Variants in GALNTL6 observed in about 807,000 individuals in gnomAD.
GALNTL6 encodes polypeptide N-acetylgalactosaminyltransferase-like 6.
A neutral mutation model predicts 73.7 loss-of-function variants in GALNTL6; 46 were observed. The observed-to-expected ratio is 0.62, with a 90% CI of 0.49 to 0.80. The LOEUF is 0.80. Ranked by LOEUF, GALNTL6 falls within the 30% of genes least tolerant of loss-of-function variation. GALNTL6 has a pLI of 0.00. For missense variants in GALNTL6, 604 were observed against 755.0 expected, an observed-to-expected ratio of 0.80 and a Z score of 2.34; for synonymous variants, 259 against 263.7, an observed-to-expected ratio of 0.98 and a Z score of 0.17.
intron 5 of GALNTL6, among the ~76,000 whole-genome samples, chr4:172,467,171 G>C (rs1232082478): frequency 6.6e-6 from 1 of 152,130 alleles, no homozygotes; most frequent in Non-Finnish European, 1.5e-5. Flanking sequence ...AAGAGAAAAG[G>C]CCGTGATAAT....
intron 4 of GALNTL6, among the ~76,000 whole-genome samples, chr4:172,337,540 G>A (rs1741381596): frequency 6.6e-6 from 1 of 151,894 alleles, no homozygotes; most frequent in Non-Finnish European, 1.5e-5. Context: ...AAAAAGCTTA[G>A]TTTAGTGGTA....
intron 5 of GALNTL6, among the ~76,000 whole-genome samples, chr4:172,759,560 T>C (rs947337139): frequency 1.1e-4 from 17 of 152,202 alleles, no homozygotes; most frequent in Non-Finnish European, 2.9e-5. Context: ...TCATCCACCC[T>C]TTAGGGTCTC....
At chr4:172,125,140 T>C (rs1043964281) in intron 2 of GALNTL6, among the ~76,000 whole-genome samples, 8 of 152,116 alleles carry the variant, frequency 5.3e-5, no homozygotes, top group African/African-American at 1.9e-4. Context: ...GGCAATGATG[T>C]ATGACCTGCA....
chr4:172,841,802 G>A (rs1432138280), intron 7 of GALNTL6, among the ~76,000 whole-genome samples: 1 of 152,158 alleles, frequency 6.6e-6, no homozygotes, highest in African/African-American at 2.4e-5. Context: ...GATTTGGATG[G>A]GGACACAAAG....
chr4:171,820,209 C>T (rs1215015529), intron 2 of GALNTL6, among the ~76,000 whole-genome samples: 3 of 152,064 alleles, frequency 2.0e-5, no homozygotes, highest in Non-Finnish European at 2.9e-5. Context: ...GCATCATGAC[C>T]TCTAACTTTC....
chr4:172,270,171 C>CTGTGTGTGTGTGTG (rs758294136), intron 3 of GALNTL6, among the ~76,000 whole-genome samples: 7 of 150,264 alleles, frequency 4.7e-5, no homozygotes, highest in Non-Finnish European at 8.9e-5. Flanking sequence ...TCTCTGTCCA[C>CTGTGTGTGTGTGTG]TGTGTGTGTG....
intron 2 of GALNTL6, among the ~76,000 whole-genome samples, chr4:172,081,605 T>A (rs564955341): frequency 6.6e-6 from 1 of 152,172 alleles, no homozygotes; most frequent in Admixed American, 6.5e-5. Context: ...ACCACTGCAC[T>A]CCAGCCTGGT....
At chr4:173,002,522 T>C (rs1752087279) in intron 10 of GALNTL6, among the ~76,000 whole-genome samples, 1 of 150,710 alleles carries the variant, frequency 6.6e-6, no homozygotes, top group Non-Finnish European at 1.5e-5. Flanking sequence ...AGGTCGGGCA[T>C]GGTGGCTCAC....
At chr4:172,831,459 C>T (rs1295582778) in intron 7 of GALNTL6, among the ~76,000 whole-genome samples, 3 of 152,054 alleles carry the variant, frequency 2.0e-5, no homozygotes, top group Non-Finnish European at 4.4e-5. Flanking sequence ...TGGAGAGGGG[C>T]GTCAAGAAAA....
At chr4:172,363,612 C>A (rs1347993277) in intron 5 of GALNTL6, among the ~76,000 whole-genome samples, 1 of 152,118 alleles carries the variant, frequency 6.6e-6, no homozygotes, top group Non-Finnish European at 1.5e-5. Flanking sequence ...TTGCAATTTT[C>A]ACATGATTTG....
intron 2 of GALNTL6, among the ~76,000 whole-genome samples, chr4:172,204,727 A>G (rs1736054842): frequency 6.6e-6 from 1 of 152,244 alleles, no homozygotes; most frequent in Non-Finnish European, 1.5e-5. Flanking sequence ...TTTTGTGATT[A>G]CAAAGAGAAG....
chr4:171,992,587 C>T (rs188027815), intron 2 of GALNTL6, among the ~76,000 whole-genome samples: 3 of 152,094 alleles, frequency 2.0e-5, no homozygotes, highest in South Asian at 2.1e-4. Context: ...AATTCTGATT[C>T]GGTCTGTAAT....
chr4:172,486,508 T>G (rs934878452), intron 5 of GALNTL6, among the ~76,000 whole-genome samples: 1 of 152,142 alleles, frequency 6.6e-6, no homozygotes, highest in Non-Finnish European at 1.5e-5. Context: ...TTGTCTTGAG[T>G]GGAAGGATAA....
At chr4:172,970,894 G>A (rs977709851) in intron 10 of GALNTL6, among the ~76,000 whole-genome samples, 2 of 152,186 alleles carry the variant, frequency 1.3e-5, no homozygotes, top group African/African-American at 4.8e-5. Flanking sequence ...GTATTAATTT[G>A]GGGAACTGAT....
At chr4:172,387,031 G>T (rs1743497087) in intron 5 of GALNTL6, among the ~76,000 whole-genome samples, 1 of 152,114 alleles carries the variant, frequency 6.6e-6, no homozygotes, top group South Asian at 2.1e-4. Context: ...AGCTATCTGT[G>T]TATACTTCAA....
chr4:172,245,720 C>T (rs115956875), intron 3 of GALNTL6, among the ~76,000 whole-genome samples: 3,073 of 152,212 alleles, frequency 0.02, 53 homozygotes, highest in South Asian at 0.038. Flanking sequence ...ACAAATTTGT[C>T]AGTGATGAGT....
chr4:171,863,761 C>CTT (rs34368913), intron 2 of GALNTL6, among the ~76,000 whole-genome samples: 8 of 145,484 alleles, frequency 5.5e-5, no homozygotes, highest in South Asian at 2.2e-4. Flanking sequence ...AAAAGGAACA[C>CTT]TTTTTTTTTT....
In GALNTL6 at chr4:172,482,967, A is replaced by G. The variant is rs1475168699; in HGVS notation, c.553+134278A>G. Among the ~76,000 whole-genome samples, 7 of 151,886 alleles carry G rather than the reference A, an allele frequency of 4.6e-5. No homozygotes were observed. In the East Asian group the frequency reaches 1.4e-3, roughly 30 times the overall value. ...AATTTTTCTGCTTTGTAAAATGGGG[A>G]TACTTTAAGTACAATTTCGTAGGAT... On this transcript the variant is annotated intron_variant, in intron 5 of 12. Transcript: ENST00000506823.
chr4:173,036,517 A>G (rs1319249539), intron 12 of GALNTL6, among the ~76,000 whole-genome samples: 1 of 152,196 alleles, frequency 6.6e-6, no homozygotes, highest in East Asian at 1.9e-4. Context: ...GGCATTGAGC[A>G]TTGATTAGGA....
Sources: gnomAD v4.1 joint callset for allele counts (sites outside exome capture counted in the v4.1 genomes callset) on GRCh38, gnomAD v4.1.1 for gene constraint, MANE v1.5 for transcripts, NCBI Gene and HGNC (gene_info 2026-07-23, HGNC 2026-07-21) for gene names.